PLXNA2: variants seen among roughly 807,000 people sequenced by gnomAD.
PLXNA2 encodes plexin A2, also known as plexin-A2.
In PLXNA2, 91 loss-of-function variants were observed where a neutral mutation model predicts 193.5. The ratio of observed to expected loss-of-function variants is 0.47; its 90% CI spans 0.40 to 0.56. PLXNA2 has a LOEUF of 0.56. Ranked by LOEUF, PLXNA2 falls within the 20% of genes least tolerant of loss-of-function variation. PLXNA2 has a pLI of 0.00. For missense variants in PLXNA2, 1,995 were observed against 2,503.2 expected (o/e 0.80, Z 4.33); for synonymous variants, 997 against 1,027.3 (o/e 0.97, Z 0.56).
chr1:208,062,949 G>T (rs781177793), intron 12 of PLXNA2, among the ~76,000 whole-genome samples: 2 of 152,084 alleles, frequency 1.3e-5, no homozygotes, highest in Non-Finnish European at 2.9e-5. Flanking sequence ...AAATGGAAAG[G>T]GCTGCTTCCT....
intron 4 of PLXNA2, among the ~76,000 whole-genome samples, chr1:208,132,849 A>G (rs1182989884): frequency 6.6e-6 from 1 of 152,166 alleles, no homozygotes; most frequent in African/African-American, 2.4e-5. Flanking sequence ...CAGATGCCAT[A>G]ATTATGCCCA....
intron 3 of PLXNA2, among the ~76,000 whole-genome samples, chr1:208,159,718 G>C (rs1669052644): frequency 6.6e-6 from 1 of 152,226 alleles, no homozygotes; most frequent in African/African-American, 2.4e-5. Context: ...AACCTCAGGA[G>C]GGCCGGATCT....
intron 3 of PLXNA2, among the ~76,000 whole-genome samples, chr1:208,159,283 C>T (rs1440056999): frequency 6.6e-6 from 1 of 152,218 alleles, no homozygotes; most frequent in South Asian, 2.1e-4. Flanking sequence ...AAGGTAATGA[C>T]ATTTTGTTTG....
intron 2 of PLXNA2, among the ~76,000 whole-genome samples, chr1:208,216,063 T>C (rs1447655969): frequency 6.6e-6 from 1 of 152,216 alleles, no homozygotes; most frequent in Non-Finnish European, 1.5e-5. Context: ...CAGCTCTGTG[T>C]GTACATGACC....
At chr1:208,112,504 T>G (rs1213149476) in intron 4 of PLXNA2, among the ~76,000 whole-genome samples, 1 of 152,232 alleles carries the variant, frequency 6.6e-6, no homozygotes, top group African/African-American at 2.4e-5. Context: ...ACATACTGAC[T>G]TGCACACAGC....
intron 3 of PLXNA2, among the ~76,000 whole-genome samples, chr1:208,159,035 C>A (rs1418484187): frequency 6.6e-6 from 1 of 152,196 alleles, no homozygotes; most frequent in African/African-American, 2.4e-5. Context: ...AGGCATCTAC[C>A]CCCACAGGCT....
Position 208,034,523 on chromosome 1 carries a change from T to C in PLXNA2, c.4834A>G (p.Ser1612Gly), listed in dbSNP as rs759057955. 2 of 1,613,900 alleles carry C rather than the reference T, an allele frequency of 1.2e-6. No individual in the cohort carries two copies. Among genetic ancestry groups the C allele is most frequent in the South Asian group, 2.2e-5 (2 of 91,064 alleles). The change falls in exon 27 of 32, where the codon AGC becomes GGC. Residue 1612 changes from serine (S) to glycine (G), a missense_variant. Physicochemically the swap from Ser to Gly is moderately conservative, Grantham distance 56 (BLOSUM62 0). This residue lies in a region of PLXNA2 where 1,291 missense variants were observed against 1,673.6 expected (regional missense o/e 0.77). Coordinates refer to ENST00000367033, the MANE Select transcript of PLXNA2 (RefSeq NM_025179.4). Reference protein sequence around the residue: ...TSSYNIPASASISRTSISRYD... With the variant: ...TSSYNIPASAGISRTSISRYD... ...CTGCTGATGGACGTCCGGGAGATGCTGGCAGAGGCAGGGATGTTGTAGGAG... is the reference window on the plus strand; with the variant it reads ...CTGCTGATGGACGTCCGGGAGATGCCGGCAGAGGCAGGGATGTTGTAGGAG...
At position 208,092,885 on chromosome 1, in the gene PLXNA2, G is replaced by C. The variant is rs755983651; in HGVS notation, c.1998C>G (p.Val666=). ...ACCAATGGCAGCGGAAGGCGCTGTT[G>C]ACACAGGACAGGCACCTGCAAGGAC... is the stretch of plus-strand genomic sequence containing the variant. ...CSAHQLCLSC[V]NSAFRCHWCK... The change falls in exon 9 of 32, where the codon GTC becomes GTG. Residue 666 remains valine, a synonymous_variant. Coordinates refer to ENST00000367033, the MANE Select transcript of PLXNA2 (RefSeq NM_025179.4). 8.7e-6 allele frequency: 14 copies of C among 1,613,546 alleles called. No homozygotes were observed. Among genetic ancestry groups the C allele is most frequent in the Non-Finnish European group, 1.1e-5 (13 of 1,179,664 alleles).
intron 3 of PLXNA2, among the ~76,000 whole-genome samples, chr1:208,197,020 T>C (rs1477043636): frequency 6.6e-6 from 1 of 152,214 alleles, no homozygotes; most frequent in African/African-American, 2.4e-5. Flanking sequence ...GAAGGTATTA[T>C]TATGACCTTT....
chr1:208,165,226 A>G (rs1313002054), intron 3 of PLXNA2, among the ~76,000 whole-genome samples: 1 of 152,188 alleles, frequency 6.6e-6, no homozygotes, highest in African/African-American at 2.4e-5. Context: ...CCAAGCCCTC[A>G]TTCATCTTAT....
chr1:208,063,707 C>T (rs1665690600), intron 12 of PLXNA2, among the ~76,000 whole-genome samples: 1 of 152,144 alleles, frequency 6.6e-6, no homozygotes, highest in Admixed American at 6.5e-5. Flanking sequence ...GACAACTAAG[C>T]AACTATCATG....
At chr1:208,056,868 A>G (rs1047732504) in intron 13 of PLXNA2, among the ~76,000 whole-genome samples, 2 of 152,194 alleles carry the variant, frequency 1.3e-5, no homozygotes, top group Non-Finnish European at 2.9e-5. Context: ...GGGCAGGAAG[A>G]TCTAAGAACT....
chr1:208,114,248 G>C (rs570065314), intron 4 of PLXNA2, among the ~76,000 whole-genome samples: 39 of 152,250 alleles, frequency 2.6e-4, no homozygotes, highest in Admixed American at 1.8e-3. Flanking sequence ...AATACGTGTG[G>C]GTTCTTAGGG....
chr1:208,091,454 A>G lies in PLXNA2; in HGVS notation c.2097+1332T>C, dbSNP rs571352298. Among the ~76,000 whole-genome samples, 113 of 152,366 alleles carry G rather than the reference A, an allele frequency of 7.4e-4. 1 individual carries two copies. The highest frequency in any genetic ancestry group is 2.6e-3 in the African/African-American group (108 of 41,592). On this transcript the variant is annotated intron_variant, in intron 9 of 31. Transcript: ENST00000367033. ...ATTTAAATAGAAAGGTCATTCGTTCATCCATTCTTTCATGCATGCATTCTA... is the reference window on the plus strand; with the variant it reads ...ATTTAAATAGAAAGGTCATTCGTTCGTCCATTCTTTCATGCATGCATTCTA...
intron 23 of PLXNA2, 59 bp downstream of exon 23, chr1:208,039,933 T>A: frequency 6.3e-7 from 1 of 1,590,982 alleles, no homozygotes; most frequent in Non-Finnish European, 8.6e-7. Context: ...GTGGCCAGGA[T>A]CTAAGCAGCA....
intron 1 of PLXNA2, among the ~76,000 whole-genome samples, chr1:208,239,147 T>A (rs1051679956): frequency 1.5e-5 from 2 of 131,654 alleles, no homozygotes; most frequent in Non-Finnish European, 3.4e-5. Flanking sequence ...TAATATTTTT[T>A]TTCTTCTAAA....
At chr1:208,090,005 G>T (rs901067300) in intron 9 of PLXNA2, among the ~76,000 whole-genome samples, 2 of 152,186 alleles carry the variant, frequency 1.3e-5, no homozygotes, top group African/African-American at 4.8e-5. Flanking sequence ...AAAGAGGGGG[G>T]CCTGGCTGCT....
intron 12 of PLXNA2, among the ~76,000 whole-genome samples, chr1:208,062,001 AC>A (rs1665634193): frequency 6.6e-6 from 1 of 152,194 alleles, no homozygotes; most frequent in Admixed American, 6.5e-5. Flanking sequence ...CAACTTGTAT[AC>A]ACAGTTGTAA....
chr1:208,194,971 G>A (rs913107390), intron 3 of PLXNA2, among the ~76,000 whole-genome samples: 2 of 152,196 alleles, frequency 1.3e-5, no homozygotes, highest in African/African-American at 4.8e-5. Context: ...GGCCACCAGA[G>A]TCCACGCTGA....
Sources: gnomAD v4.1 joint callset for allele counts (sites outside exome capture counted in the v4.1 genomes callset) on GRCh38, gnomAD v4.1.1 for gene constraint, gnomAD v4.1.1 regional missense constraint, MANE v1.5 for transcripts, NCBI Gene and HGNC (gene_info 2026-07-23, HGNC 2026-07-21) for gene names.